DOCK7: variants seen among roughly 807,000 people sequenced by gnomAD.
DOCK7 encodes the protein dedicator of cytokinesis 7.
DOCK7 carries 138 observed loss-of-function variants against 271.0 expected under a neutral mutation model. The ratio of observed to expected loss-of-function variants is 0.51; its 90% CI spans 0.44 to 0.59. The LOEUF (loss-of-function observed/expected upper bound fraction) is 0.59. Among genes scored for constraint, DOCK7 ranks in the 20% least tolerant of loss-of-function variants. The pLI is 0.00. For missense variants in DOCK7, 2,066 were observed against 2,592.4 expected (o/e 0.80, Z 4.41); for synonymous variants, 823 against 876.1 (o/e 0.94, Z 1.07).
At chr1:62,492,638 A>C (rs1646499791) in intron 41 of DOCK7, 66 bp downstream of exon 41, 1 of 1,589,390 alleles carries the variant, frequency 6.3e-7, no homozygotes, top group African/African-American at 1.3e-5. Flanking sequence ...AGAGAGAATA[A>C]ATACACATGT....
intron 12 of DOCK7, among the ~76,000 whole-genome samples, chr1:62,622,965 G>C (rs1653472479): frequency 6.6e-6 from 1 of 152,002 alleles, no homozygotes; most frequent in Admixed American, 6.5e-5. Flanking sequence ...CCAGAAACAA[G>C]GTCTCACCAT....
At chr1:62,459,109 T>C (rs1193222581) in intron 48 of DOCK7, 3 of 152,072 alleles carry the variant, frequency 2.0e-5, no homozygotes, top group Non-Finnish European at 4.4e-5. Flanking sequence ...GTTGGTTCTT[T>C]GAAAAAACTA....
chr1:62,544,644 G>T (rs926471135), intron 23 of DOCK7, among the ~76,000 whole-genome samples: 8 of 152,144 alleles, frequency 5.3e-5, no homozygotes, highest in South Asian at 2.1e-4. Context: ...TATTAAAGAC[G>T]TGCTACCCCT....
In DOCK7 at chr1:62,544,295, T is replaced by G. The variant is rs143063341; in HGVS notation, c.2860-550A>C. ...GATTTCCCTCCAAAGCCAACACAGATGAGAAGTATATTTTGAGATATCATG... is the reference window on the plus strand; with the variant it reads ...GATTTCCCTCCAAAGCCAACACAGAGGAGAAGTATATTTTGAGATATCATG... On this transcript the variant is annotated intron_variant, in intron 23 of 49. Transcript: ENST00000635253. 3.1e-3 allele frequency among the ~76,000 whole-genome samples: 472 copies of G among 152,294 alleles called. 2 individuals are homozygous for G. The highest frequency in any genetic ancestry group is 0.011 in the African/African-American group (455 of 41,574).
At chr1:62,580,140 C>A (rs1647070751) in intron 16 of DOCK7, among the ~76,000 whole-genome samples, 1 of 152,144 alleles carries the variant, frequency 6.6e-6, no homozygotes, top group African/African-American at 2.4e-5. Flanking sequence ...TCTGTCCCAC[C>A]AATCAGGTTT....
In DOCK7 at chr1:62,473,963, C is replaced by T. The variant is rs1168007; in HGVS notation, c.6212+19G>A. 1,585,915 of 1,595,984 alleles carry T rather than the reference C, an allele frequency of 0.99. 788,492 individuals are homozygous for T. Among genetic ancestry groups the T allele is most frequent in the East Asian group, 1 (44,811 of 44,812 alleles). On this transcript the variant is annotated intron_variant, in intron 48 of 49. Coordinates refer to ENST00000635253, the MANE Select transcript of DOCK7 (RefSeq NM_001367561.1). ...GACAGTCTCAATTTGAAGATCTTTA[C>T]GCAGAAAGCCTTGAATACCTTTTAG...
Position 62,688,256 on chromosome 1 carries a change from C to A in DOCK7, c.9G>T (p.Glu3Asp). Residue 3 changes from glutamate to aspartate, a missense_variant, in exon 1 of 50, where the codon GAG (glutamate) becomes GAT (aspartate). Physicochemically the swap from Glu to Asp is conservative, Grantham distance 45. Around this residue, in one of 2 missense-constraint regions of DOCK7, gnomAD observed 1,414 missense variants for 1,670.4 expected, o/e 0.85. Coordinates refer to ENST00000635253, the MANE Select transcript of DOCK7 (RefSeq NM_001367561.1). The stretch of plus-strand genomic sequence containing the variant: ...TGATCTTCTGGGCGAAGGCGCGGCG[C>A]TCGGCCATGGCTGCTGCGGCGACGG... MA[E>D]RRAFAQKISR... 1 of 1,363,536 alleles carries A rather than the reference C, an allele frequency of 7.3e-7. No homozygotes were observed. Among genetic ancestry groups the A allele is most frequent in the Non-Finnish European group, 9.6e-7 (1 of 1,044,234 alleles). 84.5% of individuals were successfully genotyped at this position (1,363,536 alleles called of 1,614,324 possible).
At chr1:62,683,785 A>ATTT (rs1339969337) in intron 1 of DOCK7, among the ~76,000 whole-genome samples, 1 of 151,878 alleles carries the variant, frequency 6.6e-6, no homozygotes, top group Non-Finnish European at 1.5e-5. Context: ...AAGTGCAAAA[A>ATTT]TTAGCCAGGC....
intron 1 of DOCK7, among the ~76,000 whole-genome samples, chr1:62,673,352 T>C (rs1416113363): frequency 6.6e-6 from 1 of 152,196 alleles, no homozygotes; most frequent in Non-Finnish European, 1.5e-5. Context: ...AAGCACTGTA[T>C]TAAGGAGACT....
At chr1:62,520,459 AAAG>A (rs1214596266) in intron 31 of DOCK7, among the ~76,000 whole-genome samples, 1 of 115,924 alleles carries the variant, frequency 8.6e-6, no homozygotes, top group Non-Finnish European at 1.8e-5. Context: ...ACACTTCTCA[AAAG>A]AAGACATTTA....
intron 1 of DOCK7, among the ~76,000 whole-genome samples, chr1:62,665,090 G>T (rs146166939): frequency 6.6e-6 from 1 of 152,086 alleles, no homozygotes; most frequent in East Asian, 1.9e-4. Context: ...AGGTTCAAGC[G>T]ATTCTCCTGC....
intron 1 of DOCK7, among the ~76,000 whole-genome samples, chr1:62,663,364 A>G (rs1437603384): frequency 2.6e-5 from 4 of 152,114 alleles, no homozygotes; most frequent in Non-Finnish European, 5.9e-5. Flanking sequence ...AACCCATATG[A>G]GGTTTTTTCT....
chr1:62,481,979 A>G (rs1221568236), intron 43 of DOCK7: 1 of 152,118 alleles, frequency 6.6e-6, no homozygotes, highest in African/African-American at 2.4e-5. Context: ...CTTTCCTTCT[A>G]CTAGGTTTAT....
chr1:62,620,660 C>T (rs1420720210), intron 12 of DOCK7, among the ~76,000 whole-genome samples: 1 of 151,576 alleles, frequency 6.6e-6, no homozygotes, highest in Non-Finnish European at 1.5e-5. Context: ...GCGGGCGGAC[C>T]ATGAGGTCAG....
intron 2 of DOCK7, 112 bp from the exon 3 acceptor site, chr1:62,654,271 T>C: frequency 9.6e-7 from 1 of 1,041,084 alleles, no homozygotes. Context: ...ATCTAGTTCT[T>C]TCTAAAATTT....
chr1:62,542,051 T>A (rs190992634), intron 25 of DOCK7, among the ~76,000 whole-genome samples: 12 of 151,980 alleles, frequency 7.9e-5, no homozygotes, highest in African/African-American at 2.2e-4. Flanking sequence ...TAAAAAAAAA[T>A]TTTTTTGGTA....
intron 43 of DOCK7, chr1:62,483,401 T>C (rs1205906185): frequency 6.6e-6 from 1 of 151,732 alleles, no homozygotes; most frequent in Non-Finnish European, 1.5e-5. Flanking sequence ...TGGGATATAT[T>C]ATCAGGTGCT....
intron 7 of DOCK7, among the ~76,000 whole-genome samples, chr1:62,640,577 G>A (rs7538689): frequency 0.63 from 95,161 of 152,112 alleles, 30,291 homozygotes; most frequent in African/African-American, 0.74. Flanking sequence ...CTTTCAAAGT[G>A]ATTTATTTGA....
intron 48 of DOCK7, among the ~76,000 whole-genome samples, chr1:62,462,322 A>G (rs1012601561): frequency 6.6e-6 from 1 of 152,204 alleles, no homozygotes; most frequent in Non-Finnish European, 1.5e-5. Context: ...TATAAAATTG[A>G]AAACAGCCAA....
Sources: gnomAD v4.1 joint callset for allele counts (sites outside exome capture counted in the v4.1 genomes callset) on GRCh38, gnomAD v4.1.1 for gene constraint, gnomAD v4.1.1 regional missense constraint, MANE v1.5 for transcripts, NCBI Gene and HGNC (gene_info 2026-07-23, HGNC 2026-07-21) for gene names.